DDI2: variants seen among roughly 807,000 people sequenced by gnomAD.
The protein encoded by DDI2 is DDI proteasomal shuttling factor 2.
A neutral mutation model predicts 48.1 loss-of-function variants in DDI2; 5 were observed. That is an observed-to-expected ratio of 0.10 (90% CI 0.05 to 0.22). DDI2 has a LOEUF of 0.22. DDI2 is among the 10% of genes least tolerant of loss of function. DDI2 has a pLI of 1.00. For synonymous variants in DDI2, 205 were observed against 183.6 expected (o/e 1.12, Z -0.94); for missense variants, 285 against 506.2 (o/e 0.56, Z 4.19).
chr1:15,657,678 T>C (rs1640292106), intron 9 of DDI2, among the ~76,000 whole-genome samples: 1 of 152,256 alleles, frequency 6.6e-6, no homozygotes, highest in Non-Finnish European at 1.5e-5. Flanking sequence ...CATACCTCTT[T>C]ATGTTGCTTA....
intron 4 of DDI2, among the ~76,000 whole-genome samples, chr1:15,636,715 C>T (rs1196460858): frequency 6.6e-6 from 1 of 152,198 alleles, no homozygotes; most frequent in Non-Finnish European, 1.5e-5. Context: ...CTGCCTTGGC[C>T]TCCCAAAGTG....
At chr1:15,635,580 T>C (rs1265657382) in intron 4 of DDI2, among the ~76,000 whole-genome samples, 2 of 152,160 alleles carry the variant, frequency 1.3e-5, no homozygotes, top group African/African-American at 4.8e-5. Context: ...TATTTTGGTA[T>C]TTTTAGTAAA....
chr1:15,641,955 CAAAAAAAAAAA>C (rs57716922), intron 5 of DDI2, among the ~76,000 whole-genome samples: 1 of 79,384 alleles, frequency 1.3e-5, no homozygotes, highest in African/African-American at 4.1e-5. Context: ...AATTCAGTCT[CAAAAAAAAAAA>C]AAAAAAAAAA....
intron 4 of DDI2, 120 bp downstream of exon 4, chr1:15,633,685 A>G: frequency 6.9e-7 from 1 of 1,441,798 alleles, no homozygotes; most frequent in East Asian, 2.4e-5. Flanking sequence ...CAGTTGAGAT[A>G]GTAACCTCAG....
intron 9 of DDI2, among the ~76,000 whole-genome samples, chr1:15,657,623 C>T (rs1219318937): frequency 6.6e-6 from 1 of 152,142 alleles, no homozygotes; most frequent in Non-Finnish European, 1.5e-5. Flanking sequence ...TTCACCTTGA[C>T]CTCACTTGTT....
At chr1:15,656,390 A>G in intron 8 of DDI2, 1 of 1,399,420 alleles carries the variant, frequency 7.1e-7, no homozygotes, top group East Asian at 2.7e-5. Context: ...TTTCTTTACA[A>G]GATCTATTAA....
rs1640414601 is a variant in DDI2 at position 15,663,872 on chromosome 1, A to T, written c.*4082A>T. Reference sequence around the variant, plus strand: ...CCATGTAAGCAGAACGAACCTTGGCACACAATTCAGTGTGGATATTTGGGA... The same window carrying T: ...CCATGTAAGCAGAACGAACCTTGGCTCACAATTCAGTGTGGATATTTGGGA... On this transcript the variant is annotated 3_prime_UTR_variant, in exon 10 of 10. Transcript: ENST00000480945. 1 of 152,196 alleles carries T rather than the reference A, an allele frequency of 6.6e-6. No individual in the cohort carries two copies. The highest frequency in any genetic ancestry group is 2.1e-4 in the South Asian group (1 of 4,830). 9.4% of individuals were successfully genotyped at this position (152,196 alleles called of 1,614,324 possible). A position where few individuals can be genotyped will look rare whatever the true frequency, so the allele number is the denominator to read the frequency against.
chr1:15,626,854 C>T, intron 2 of DDI2, 56 bp downstream of exon 2: 1 of 1,607,918 alleles, frequency 6.2e-7, no homozygotes, highest in South Asian at 1.1e-5. Context: ...GGTAGCAGAG[C>T]ATAGCACCTC....
intron 8 of DDI2, among the ~76,000 whole-genome samples, chr1:15,654,563 G>A (rs1640241884): frequency 6.6e-6 from 1 of 151,574 alleles, no homozygotes; most frequent in African/African-American, 2.4e-5. Context: ...GGCTGAGATG[G>A]GAGGATCACC....
intron 8 of DDI2, among the ~76,000 whole-genome samples, chr1:15,653,825 G>C (rs1165301223): frequency 6.6e-6 from 1 of 152,180 alleles, no homozygotes; most frequent in East Asian, 1.9e-4. Context: ...TGAAAATGCA[G>C]TGTTATGGTG....
At position 15,641,957 on chromosome 1, in the gene DDI2, A is replaced by G. The variant is rs80234812; in HGVS notation, c.761-1565A>G. Among the ~76,000 whole-genome samples the G allele has an allele frequency of 1.1e-4, 7 of 62,452 alleles. No individual in the cohort carries two copies. In the African/African-American group the frequency reaches 1.6e-3, roughly 14 times the overall value. 41.0% of individuals were successfully genotyped at this position (62,452 alleles called of 152,430 possible). A position where few individuals can be genotyped will look rare whatever the true frequency, so the allele number is the denominator to read the frequency against. ...GCAACAAGAGTGAAATTCAGTCTCAAAAAAAAAAAAAAAAAAAAAGGAGAA... is the reference window on the plus strand; with the variant it reads ...GCAACAAGAGTGAAATTCAGTCTCAGAAAAAAAAAAAAAAAAAAAGGAGAA... On this transcript the variant is annotated intron_variant, in intron 5 of 9. Coordinates refer to ENST00000480945, the MANE Select transcript of DDI2 (RefSeq NM_032341.5).
intron 6 of DDI2, among the ~76,000 whole-genome samples, chr1:15,644,416 T>C (rs1640054267): frequency 6.6e-6 from 1 of 152,114 alleles, no homozygotes; most frequent in South Asian, 2.1e-4. Flanking sequence ...CAGACATGTC[T>C]TTTTTCCCTA....
At chr1:15,652,100 C>G (rs898011099) in intron 8 of DDI2, among the ~76,000 whole-genome samples, 2 of 125,718 alleles carry the variant, frequency 1.6e-5, no homozygotes, top group Non-Finnish European at 3.1e-5. Context: ...TTGTCTCACT[C>G]TGTCACCCAG....
chr1:15,624,124 T>C (rs1639715430), intron 1 of DDI2, among the ~76,000 whole-genome samples: 1 of 152,228 alleles, frequency 6.6e-6, no homozygotes, highest in Non-Finnish European at 1.5e-5. Context: ...TATCTCTAAA[T>C]ATACTGATAG....
In DDI2 at chr1:15,652,446, CGGAGGGGGGGGG is replaced by C. The variant is rs1274573219; in HGVS notation, c.1183+554_1183+565del. Among the ~76,000 whole-genome samples, 17 of 15,882 alleles carry C rather than the reference CGGAGGGGGGGGG, an allele frequency of 1.1e-3. 3 individuals carry two copies. The highest frequency in any genetic ancestry group is 3.3e-3 in the African/African-American group (17 of 5,166). The allele number at this position is 15,882 out of a possible 152,430, so 10.4% of individuals were successfully genotyped here. A position where few individuals can be genotyped will look rare whatever the true frequency, so the allele number is the denominator to read the frequency against. On this transcript the variant is annotated intron_variant, in intron 8 of 9. Coordinates refer to ENST00000480945, the MANE Select transcript of DDI2 (RefSeq NM_032341.5). The stretch of plus-strand genomic sequence containing the variant: ...TTAATCCCAGCACTTTGGGAGGCTC[CGGAGGGGGGGGG>C]GGGGGGGCGGATCACCTGAGGTCAG...
chr1:15,620,624 G>A (rs1639643857), intron 1 of DDI2, among the ~76,000 whole-genome samples: 1 of 151,866 alleles, frequency 6.6e-6, no homozygotes, highest in Admixed American at 6.6e-5. Context: ...CACACCACTG[G>A]TGTCCAAACT....
Position 15,660,179 on chromosome 1 carries a change from T to A in DDI2, c.*389T>A. The A allele has an allele frequency of 6.2e-7, 1 of 1,614,184 alleles. No homozygotes were observed. The highest frequency in any genetic ancestry group is 8.5e-7 in the Non-Finnish European group (1 of 1,180,038). On this transcript the variant is annotated 3_prime_UTR_variant, in exon 10 of 10. Coordinates refer to ENST00000480945, the MANE Select transcript of DDI2 (RefSeq NM_032341.5). Reference sequence around the variant, plus strand: ...CCTATGCAGAATTCATCCGAAGAAATAACTGTTGCAGGTAATCTGGAGAAA... The same window carrying A: ...CCTATGCAGAATTCATCCGAAGAAAAAACTGTTGCAGGTAATCTGGAGAAA...
chr1:15,639,264 TGG>T (rs1301439141), intron 5 of DDI2, among the ~76,000 whole-genome samples: 1 of 152,112 alleles, frequency 6.6e-6, no homozygotes, highest in Admixed American at 6.6e-5. Context: ...CAGCATTTTG[TGG>T]GTGTATGACT....
At position 15,617,798 on chromosome 1, in the gene DDI2, C is replaced by G. The variant is rs1639586985; in HGVS notation, c.128C>G (p.Ala43Gly). The change falls in exon 1 of 10, where the codon GCC (alanine) becomes GGC (glycine). Residue 43 changes from alanine (A) to glycine (G), a missense_variant. By Grantham distance (60) the Ala-to-Gly change is moderately conservative. Around this residue, in one of 3 missense-constraint regions of DDI2, gnomAD observed 149 missense variants for 236.5 expected, o/e 0.63. Transcript: ENST00000480945. ...LCELESGIPA[A>G]ESQIVYAERP... ...GAGCTCGAGTCTGGCATCCCCGCAG[C>G]CGAGAGCCAGGTACGCCGGGCAGCG... 2.5e-6 allele frequency: 4 copies of G among 1,599,984 alleles called. No homozygotes were observed. The highest frequency in any genetic ancestry group is 1.7e-6 in the Non-Finnish European group (2 of 1,174,808).
Sources: allele counts gnomAD v4.1 joint callset (sites outside exome capture counted in the v4.1 genomes callset), GRCh38; gene constraint gnomAD v4.1.1; regional missense constraint gnomAD v4.1.1; transcripts MANE v1.5; gene names NCBI Gene and HGNC (gene_info 2026-07-23, HGNC 2026-07-21).